Variants in XRCC4 observed in about 807,000 individuals in gnomAD.
The protein encoded by XRCC4 is X-ray repair cross complementing 4.
A neutral mutation model predicts 39.1 loss-of-function variants in XRCC4; 28 were observed. The observed-to-expected ratio is 0.72, with a 90% CI of 0.53 to 0.98. The LOEUF (loss-of-function observed/expected upper bound fraction) is 0.98, where lower values mean the gene tolerates loss of function less well. XRCC4 is among the 50% of genes least tolerant of loss of function. XRCC4 has a pLI of 0.00. For synonymous variants in XRCC4, 123 were observed against 126.4 expected, an observed-to-expected ratio of 0.97 and a Z score of 0.18; for missense variants, 350 against 376.4, an observed-to-expected ratio of 0.93 and a Z score of 0.58.
At chr5:83,232,727 C>T (rs112353278) in intron 6 of XRCC4, among the ~76,000 whole-genome samples, 12 of 151,962 alleles carry the variant, frequency 7.9e-5, no homozygotes, top group African/African-American at 2.4e-4. Context: ...AAGAGCAAAG[C>T]TATTAAATCT....
At chr5:83,238,866 A>G (rs1215258379) in intron 6 of XRCC4, among the ~76,000 whole-genome samples, 1 of 152,224 alleles carries the variant, frequency 6.6e-6, no homozygotes. Flanking sequence ...ACTAGGCTAA[A>G]TAATGTCAAC....
chr5:83,316,008 G>A (rs1755868526), intron 7 of XRCC4, among the ~76,000 whole-genome samples: 2 of 152,134 alleles, frequency 1.3e-5, no homozygotes, highest in Non-Finnish European at 2.9e-5. Flanking sequence ...AGGAGTCACT[G>A]TTCTAGATGC....
chr5:83,232,897 G>A (rs1752550451), intron 6 of XRCC4, among the ~76,000 whole-genome samples: 1 of 152,056 alleles, frequency 6.6e-6, no homozygotes, highest in East Asian at 1.9e-4. Context: ...TTCAAGAAAG[G>A]TTAAGTAATT....
At chr5:83,197,821 T>A (rs908338738) in intron 4 of XRCC4, among the ~76,000 whole-genome samples, 6 of 152,170 alleles carry the variant, frequency 3.9e-5, no homozygotes, top group Admixed American at 6.5e-5. Flanking sequence ...TGGGTGGCCC[T>A]ATGTCCTGAG....
At chr5:83,278,519 C>G (rs572790727) in intron 7 of XRCC4, among the ~76,000 whole-genome samples, 15 of 152,272 alleles carry the variant, frequency 9.9e-5, no homozygotes, top group Middle Eastern at 3.4e-3. Flanking sequence ...GGCTTTCATG[C>G]TGCATCTTCA....
rs188407148 is a variant in XRCC4, at chr5:83,343,020, G to A, written c.894-10111G>A. Among the ~76,000 whole-genome samples, 89 of 151,550 alleles carry A rather than the reference G, an allele frequency of 5.9e-4. No individual in the cohort carries two copies. The East Asian group carries it at 8.9e-3, about 15-fold the overall frequency. The stretch of plus-strand genomic sequence containing the variant: ...TTTGGCTGTTTTTTAAGGTCATTTC[G>A]ATTAAGGTTTGATTTGATATGTCCT... On this transcript the variant is annotated intron_variant, in intron 7 of 7. Transcript: ENST00000396027.
chr5:83,139,603 A>G (rs923369712), intron 3 of XRCC4, among the ~76,000 whole-genome samples: 11 of 152,152 alleles, frequency 7.2e-5, no homozygotes, highest in Non-Finnish European at 1.5e-4. Flanking sequence ...TCGTTAGGTG[A>G]TTTCTTTGAT....
chr5:83,271,596 A>G (rs980655267), intron 7 of XRCC4, among the ~76,000 whole-genome samples: 15 of 152,324 alleles, frequency 9.8e-5, no homozygotes, highest in South Asian at 2.1e-4. Context: ...CTTTGACCAC[A>G]GTTTTGCCTT....
intron 7 of XRCC4, among the ~76,000 whole-genome samples, chr5:83,268,714 C>T (rs971375954): frequency 3.3e-5 from 5 of 152,020 alleles, no homozygotes; most frequent in African/African-American, 9.7e-5. Flanking sequence ...TTATGGAATA[C>T]GGAGAAAATC....
At chr5:83,277,762 A>T (rs536950945) in intron 7 of XRCC4, among the ~76,000 whole-genome samples, 55 of 152,376 alleles carry the variant, frequency 3.6e-4, no homozygotes, top group African/African-American at 1.3e-3. Flanking sequence ...AGTTTGTAAC[A>T]CATTTCTAAA....
chr5:83,156,349 TAG>T (rs1174759926), intron 3 of XRCC4, among the ~76,000 whole-genome samples: 1 of 151,800 alleles, frequency 6.6e-6, no homozygotes, highest in Middle Eastern at 3.4e-3. Flanking sequence ...ATATGTTATT[TAG>T]AGAGAGAGCT....
At chr5:83,198,139 A>G (rs1236749649) in intron 4 of XRCC4, among the ~76,000 whole-genome samples, 3 of 152,170 alleles carry the variant, frequency 2.0e-5, no homozygotes, top group African/African-American at 7.2e-5. Flanking sequence ...GGGGACATAG[A>G]AAGTAGAGAA....
chr5:83,164,569 A>C (rs1374178722), intron 3 of XRCC4, among the ~76,000 whole-genome samples: 1 of 152,084 alleles, frequency 6.6e-6, no homozygotes, highest in African/African-American at 2.4e-5. Flanking sequence ...CCTAAGAGAG[A>C]TCTTAAATGT....
chr5:83,105,332 T>C (rs1420405625), intron 2 of XRCC4, among the ~76,000 whole-genome samples: 2 of 152,208 alleles, frequency 1.3e-5, no homozygotes, highest in African/African-American at 4.8e-5. Context: ...ATAGAAAATA[T>C]AAATAGTACT....
intron 3 of XRCC4, 85 bp downstream of exon 3, chr5:83,111,288 A>G (rs1381317841): frequency 8.8e-7 from 1 of 1,131,360 alleles, no homozygotes; most frequent in Non-Finnish European, 1.2e-6. Context: ...TGACTACTAT[A>G]TTATTCCCAG....
At chr5:83,125,998 A>G (rs1747244364) in intron 3 of XRCC4, among the ~76,000 whole-genome samples, 1 of 152,042 alleles carries the variant, frequency 6.6e-6, no homozygotes, top group Non-Finnish European at 1.5e-5. Context: ...AAAAAAAAAA[A>G]AAAAAAAAAA....
chr5:83,249,384 C>T (rs928667735), intron 6 of XRCC4, among the ~76,000 whole-genome samples: 2 of 152,088 alleles, frequency 1.3e-5, no homozygotes, highest in Admixed American at 6.6e-5. Context: ...ATCCGGAAAT[C>T]TCTTTTTTGA....
intron 7 of XRCC4, among the ~76,000 whole-genome samples, chr5:83,332,033 AC>A (rs1756451078): frequency 1.3e-5 from 2 of 152,060 alleles, no homozygotes; most frequent in African/African-American, 4.8e-5. Flanking sequence ...TCTGTGAAAC[AC>A]CCTGGGTTAT....
At chr5:83,205,965 C>G (rs900612195) in intron 6 of XRCC4, among the ~76,000 whole-genome samples, 1 of 151,936 alleles carries the variant, frequency 6.6e-6, no homozygotes, top group Non-Finnish European at 1.5e-5. Context: ...AAGTTCCTGA[C>G]GCGTTTAAGC....
Sources: allele counts gnomAD v4.1 joint callset (sites outside exome capture counted in the v4.1 genomes callset), GRCh38; gene constraint gnomAD v4.1.1; transcripts MANE v1.5; gene names NCBI Gene and HGNC (gene_info 2026-07-23, HGNC 2026-07-21).